BLNK: variants seen among roughly 807,000 people sequenced by gnomAD.
BLNK encodes the protein B cell linker, also known as B-cell linker protein.
In BLNK, 29 loss-of-function variants were observed where a neutral mutation model predicts 73.5. That is an observed-to-expected ratio of 0.39 (90% CI 0.29 to 0.54). The LOEUF (loss-of-function observed/expected upper bound fraction) is 0.54. Among genes scored for constraint, BLNK ranks in the 20% least tolerant of loss-of-function variants. The pLI is 0.61. For missense variants in BLNK, 460 were observed against 562.8 expected, an observed-to-expected ratio of 0.82 and a Z score of 1.85; for synonymous variants, 176 against 200.8, an observed-to-expected ratio of 0.88 and a Z score of 1.04.
At position 96,244,291 on chromosome 10, in the gene BLNK, G is replaced by A. The variant is rs532066286; in HGVS notation, c.114-1507C>T. ...GGGTCTGGTGCCCAGGTTGGTTCAA[G>A]GAATAGTAAAATTTCCAAAAGCACA... On this transcript the variant is annotated intron_variant, in intron 2 of 16. Transcript: ENST00000224337. Among the ~76,000 whole-genome samples the A allele has an allele frequency of 7.2e-5, 11 of 152,072 alleles. No individual in the cohort carries two copies. The South Asian group carries it at 2.3e-3, about 32-fold the overall frequency.
At chr10:96,259,751 T>C (rs184511302) in intron 1 of BLNK, among the ~76,000 whole-genome samples, 3 of 133,810 alleles carry the variant, frequency 2.2e-5, no homozygotes, top group African/African-American at 8.1e-5. Flanking sequence ...GTCTTTGGCA[T>C]GTCTGAACGG....
chr10:96,239,264 G>C (rs587708200), intron 3 of BLNK: 30 of 398,068 alleles, frequency 7.5e-5, no homozygotes, highest in Admixed American at 2.2e-4. Flanking sequence ...TTATCACTGG[G>C]CCCTGAGCCC....
intron 1 of BLNK, among the ~76,000 whole-genome samples, chr10:96,255,698 A>G (rs1843478427): frequency 6.6e-6 from 1 of 152,156 alleles, no homozygotes; most frequent in African/African-American, 2.4e-5. Context: ...TCATCCTTTC[A>G]GTGTTCATAG....
chr10:96,251,411 G>T (rs1292157555), intron 1 of BLNK, among the ~76,000 whole-genome samples: 1 of 152,214 alleles, frequency 6.6e-6, no homozygotes, highest in Non-Finnish European at 1.5e-5. Flanking sequence ...TCCAGGAGGG[G>T]TTGTTCTGGA....
intron 6 of BLNK, among the ~76,000 whole-genome samples, chr10:96,219,394 T>C (rs2084142966): frequency 6.6e-6 from 1 of 152,224 alleles, no homozygotes; most frequent in South Asian, 2.1e-4. Flanking sequence ...ACTTCTCTTC[T>C]AGGCGTTAGT....
chr10:96,208,028 T>C, intron 9 of BLNK, 129 bp from the exon 10 acceptor site: 1 of 1,000,488 alleles, frequency 1.0e-6, no homozygotes, highest in Non-Finnish European at 1.6e-6. Context: ...AGACTATCCT[T>C]GCAGGGTGGA....
In BLNK at chr10:96,191,875, A is replaced by C; in HGVS notation, c.*98T>G. 1 of 1,501,094 alleles carries C rather than the reference A, an allele frequency of 6.7e-7. No homozygotes were observed. Among genetic ancestry groups the C allele is most frequent in the South Asian group, 1.1e-5 (1 of 87,050 alleles). The allele number at this position is 1,501,094 out of a possible 1,614,324, so 93.0% of individuals were successfully genotyped here. On this transcript the variant is annotated 3_prime_UTR_variant, in exon 17 of 17. Transcript: ENST00000224337. ...CCATCTTCCATTTTATTACTGGATG[A>C]TTCATAATCCAAAATATGAAGTTTT...
intron 1 of BLNK, among the ~76,000 whole-genome samples, chr10:96,265,119 CTTATTTATTTATTTATTTAT>C (rs55872216): frequency 7.3e-6 from 1 of 137,034 alleles, no homozygotes; most frequent in Non-Finnish European, 1.6e-5. Flanking sequence ...CCACACCAGA[CTTATTTATTTATTTATTTAT>C]TTATTTATTT....
intron 2 of BLNK, among the ~76,000 whole-genome samples, chr10:96,243,992 GA>G (rs1233370494): frequency 8.0e-4 from 118 of 147,558 alleles, no homozygotes; most frequent in African/African-American, 2.8e-3. Flanking sequence ...TTCATGTTTT[GA>G]AAAAAAAAGC....
At chr10:96,265,119 C>CTTTATTTAT (rs146525311) in intron 1 of BLNK, among the ~76,000 whole-genome samples, 1 of 136,958 alleles carries the variant, frequency 7.3e-6, no homozygotes, top group African/African-American at 2.7e-5. Flanking sequence ...CCACACCAGA[C>CTTTATTTAT]TTATTTATTT....
rs1037000963 is a variant in BLNK at position 96,236,407 on chromosome 10, G to A, written c.164-5573C>T. On this transcript the variant is annotated intron_variant, in intron 3 of 16. Transcript: ENST00000224337. ...GAACTACAGAGGCTGCAGGGGAGGC[G>A]GTGGGTGGCCAGTCCCACCAGTGCC... 4.6e-5 allele frequency among the ~76,000 whole-genome samples: 7 copies of A among 152,200 alleles called. No individual in the cohort carries two copies. The South Asian group carries it at 6.2e-4, about 14-fold the overall frequency.
At chr10:96,240,273 T>C (rs969956981) in intron 3 of BLNK, among the ~76,000 whole-genome samples, 4 of 152,184 alleles carry the variant, frequency 2.6e-5, no homozygotes, top group Admixed American at 6.5e-5. Flanking sequence ...GACACACTCA[T>C]GAAACACGTG....
intron 9 of BLNK, 107 bp downstream of exon 9, chr10:96,209,731 T>A: frequency 3.7e-6 from 5 of 1,368,350 alleles, no homozygotes; most frequent in Non-Finnish European, 4.2e-6. Context: ...TTGGTCCAAG[T>A]TGCAGCCTGC....
At chr10:96,263,907 C>T (rs782648220) in intron 1 of BLNK, among the ~76,000 whole-genome samples, 3 of 152,148 alleles carry the variant, frequency 2.0e-5, no homozygotes, top group African/African-American at 7.2e-5. Flanking sequence ...TGGGGAACCC[C>T]GAGGTCATGT....
chr10:96,209,040 G>T (rs1212381102), intron 9 of BLNK, among the ~76,000 whole-genome samples: 1 of 152,128 alleles, frequency 6.6e-6, no homozygotes, highest in Non-Finnish European at 1.5e-5. Context: ...ATTTTACGGG[G>T]TGACGTTTGT....
At chr10:96,209,953 G>A (rs782440102) in intron 8 of BLNK, 46 bp from the exon 9 acceptor site, 2 of 1,603,094 alleles carry the variant, frequency 1.2e-6, no homozygotes, top group South Asian at 2.2e-5. Context: ...CTGAGCCGGG[G>A]GCTGATGCTC....
At chr10:96,208,463 G>A (rs982445377) in intron 9 of BLNK, among the ~76,000 whole-genome samples, 2 of 152,146 alleles carry the variant, frequency 1.3e-5, no homozygotes, top group Non-Finnish European at 2.9e-5. Context: ...ACCAAAACAA[G>A]TTTGAAAACC....
intron 2 of BLNK, among the ~76,000 whole-genome samples, chr10:96,245,845 C>CAT (rs1270467313): frequency 6.6e-6 from 1 of 152,112 alleles, no homozygotes; most frequent in Non-Finnish European, 1.5e-5. Context: ...CACATACATA[C>CAT]ATATATATAC....
chr10:96,212,172 C>T (rs7911684), intron 8 of BLNK, among the ~76,000 whole-genome samples: 75,784 of 151,806 alleles, frequency 0.5, 19,280 homozygotes, highest in Middle Eastern at 0.63. Flanking sequence ...AACACTGTCA[C>T]GGAGGACACT....
Sources: allele counts gnomAD v4.1 joint callset (sites outside exome capture counted in the v4.1 genomes callset), GRCh38; gene constraint gnomAD v4.1.1; transcripts MANE v1.5; gene names NCBI Gene and HGNC (gene_info 2026-07-23, HGNC 2026-07-21).